SIDT1: variants seen among roughly 807,000 people sequenced by gnomAD.
SIDT1 encodes the protein SID1 transmembrane family, member 1.
Under a neutral mutation model 107.5 loss-of-function variants are expected in SIDT1, and 101 were observed. The observed-to-expected ratio is 0.94, with a 90% CI of 0.80 to 1.11. The LOEUF (loss-of-function observed/expected upper bound fraction) is 1.11, where lower values mean the gene tolerates loss of function less well. SIDT1 is among the 50% of genes least tolerant of loss of function. The pLI is 0.00. For synonymous variants in SIDT1, 395 were observed against 398.2 expected, an observed-to-expected ratio of 0.99 and a Z score of 0.10; for missense variants, 1,076 against 1,058.2, an observed-to-expected ratio of 1.02 and a Z score of -0.23.
At chr3:113,591,157 A>G (rs1048093030) in intron 9 of SIDT1, among the ~76,000 whole-genome samples, 3 of 152,220 alleles carry the variant, frequency 2.0e-5, no homozygotes, top group Non-Finnish European at 4.4e-5. Context: ...GGCTGCCTCT[A>G]GAAGCTTCAA....
chr3:113,623,826 T>C (rs1946653143), intron 23 of SIDT1, 93 bp downstream of exon 23: 5 of 814,090 alleles, frequency 6.1e-6, no homozygotes, highest in Non-Finnish European at 1.0e-5. Flanking sequence ...GTTTTCACAG[T>C]GTCTAAAATG....
intron 3 of SIDT1, among the ~76,000 whole-genome samples, chr3:113,568,201 T>C (rs78493646): frequency 0.027 from 4,112 of 151,952 alleles, 93 homozygotes; most frequent in East Asian, 0.091. Context: ...AAAACTAAAA[T>C]AAACAGGCAA....
chr3:113,630,964 T>C (rs1947089069), downstream of SIDT1, among the ~76,000 whole-genome samples: 1 of 152,144 alleles, frequency 6.6e-6, no homozygotes, highest in African/African-American at 2.4e-5. Context: ...TTGGGAGGCC[T>C]CTTCATCTTC....
At chr3:113,545,789 T>G (rs1939520221) in intron 1 of SIDT1, among the ~76,000 whole-genome samples, 1 of 152,202 alleles carries the variant, frequency 6.6e-6, no homozygotes, top group African/African-American at 2.4e-5. Context: ...ACAAATTATA[T>G]CAGTGATACC....
At chr3:113,602,937 TGCAGAGACGAA>T in intron 11 of SIDT1, 57 bp from the exon 12 acceptor site, 1 of 1,556,630 alleles carries the variant, frequency 6.4e-7, no homozygotes, top group Admixed American at 1.8e-5. Context: ...CTGTGCTTTT[TGCAGAGACGAA>T]TGGGCTCCGT....
intron 3 of SIDT1, among the ~76,000 whole-genome samples, chr3:113,574,255 A>C (rs1942718001): frequency 1.3e-5 from 2 of 152,234 alleles, no homozygotes; most frequent in South Asian, 4.1e-4. Context: ...GTTTATACTT[A>C]GACCAGAGGA....
chr3:113,589,156 T>G (rs1478554755), intron 9 of SIDT1, among the ~76,000 whole-genome samples: 1 of 152,228 alleles, frequency 6.6e-6, no homozygotes, highest in African/African-American at 2.4e-5. Context: ...GAGGGTAGTC[T>G]AGATTCAGGA....
intron 24 of SIDT1, among the ~76,000 whole-genome samples, chr3:113,626,823 C>T (rs1462863153): frequency 6.6e-6 from 1 of 152,042 alleles, no homozygotes; most frequent in African/African-American, 2.4e-5. Flanking sequence ...ATTAAAAGTC[C>T]ATGGTGCCTG....
At chr3:113,542,156 C>T (rs1938982690) in intron 1 of SIDT1, among the ~76,000 whole-genome samples, 1 of 152,128 alleles carries the variant, frequency 6.6e-6, no homozygotes, top group African/African-American at 2.4e-5. Context: ...CTCCTGACCT[C>T]AGGAGATCCA....
Position 113,627,811 on chromosome 3 carries a change from C to T in SIDT1, c.*103C>T. 1.9e-6 allele frequency: 2 copies of T among 1,061,712 alleles called. No individual in the cohort carries two copies. The highest frequency in any genetic ancestry group is 2.9e-6 in the Non-Finnish European group (2 of 692,450). 65.8% of individuals were successfully genotyped at this position (1,061,712 alleles called of 1,614,324 possible). On this transcript the variant is annotated 3_prime_UTR_variant, in exon 25 of 25. Transcript: ENST00000264852. ...TAACCACTGCCAGATGCTCCACTCA[C>T]CCTCTGTAGAGCCAACTCTGCATTC...
intron 1 of SIDT1, among the ~76,000 whole-genome samples, chr3:113,553,352 A>C (rs1453532966): frequency 6.6e-6 from 1 of 152,120 alleles, no homozygotes. Flanking sequence ...TTATATCACA[A>C]AAATAAAAGG....
At chr3:113,550,443 G>A (rs142838903) in intron 1 of SIDT1, among the ~76,000 whole-genome samples, 15 of 152,302 alleles carry the variant, frequency 9.8e-5, no homozygotes, top group African/African-American at 1.9e-4. Context: ...TCCAGTGGTG[G>A]AAATCTGTCT....
chr3:113,542,935 TG>T lies in SIDT1; in HGVS notation c.222+9693del, dbSNP rs1409100219. Among the ~76,000 whole-genome samples the T allele has an allele frequency of 6.6e-3, 983 of 149,950 alleles. 4 individuals carry two copies. Among genetic ancestry groups the T allele is most frequent in the African/African-American group, 0.022 (902 of 40,390 alleles). On this transcript the variant is annotated intron_variant, in intron 1 of 24. Coordinates refer to ENST00000264852, the MANE Select transcript of SIDT1 (RefSeq NM_017699.3). ...GTGTGTGTGTGTGTGTGTGTGTGTG[TG>T]TGTTTGTTTGTTTGTTTGTTTTTCA...
chr3:113,542,928 GTGTGTGTGTGTT>G (rs1309610803), intron 1 of SIDT1, among the ~76,000 whole-genome samples: 6 of 142,946 alleles, frequency 4.2e-5, no homozygotes, highest in African/African-American at 1.1e-4. Context: ...GTGTGTGTGT[GTGTGTGTGTGTT>G]TGTTTGTTTG....
intron 8 of SIDT1, 78 bp from the exon 9 acceptor site, chr3:113,585,099 C>T: frequency 9.7e-7 from 1 of 1,029,400 alleles, no homozygotes; most frequent in Non-Finnish European, 1.5e-6. Context: ...GGAGGGGGCC[C>T]TTTAAGCCGT....
chr3:113,611,094 T>G lies in SIDT1; in HGVS notation c.1807T>G (p.Ser603Ala). Residue 603 changes from serine (S) to alanine (A), a missense_variant, in exon 18 of 25, where the codon TCT becomes GCT. Ser to Ala is a moderately conservative substitution (Grantham distance 99). Coordinates refer to ENST00000264852, the MANE Select transcript of SIDT1 (RefSeq NM_017699.3). ...RHPDINASAY[S>A]AYASFAVVIM... ...CCCAGACATCAATGCCAGCGCCTAC[T>G]CTGCCTATGCCTCCTTTGCTGTGGT... 1 of 1,614,122 alleles carries G rather than the reference T, an allele frequency of 6.2e-7. No individual in the cohort carries two copies. Among genetic ancestry groups the G allele is most frequent in the Non-Finnish European group, 8.5e-7 (1 of 1,180,012 alleles).
intron 1 of SIDT1, among the ~76,000 whole-genome samples, chr3:113,565,532 GA>G (rs959906303): frequency 4.0e-5 from 6 of 148,730 alleles, no homozygotes; most frequent in South Asian, 4.2e-4. Flanking sequence ...TCTCAAGAAA[GA>G]AAAAAAAAGA....
chr3:113,584,011 A>G (rs903704137), intron 7 of SIDT1, among the ~76,000 whole-genome samples: 2 of 152,198 alleles, frequency 1.3e-5, no homozygotes, highest in East Asian at 3.9e-4. Context: ...ATAAGGGGTT[A>G]TGGGGGCTCT....
At chr3:113,589,483 C>T (rs1246875333) in intron 9 of SIDT1, among the ~76,000 whole-genome samples, 2 of 151,400 alleles carry the variant, frequency 1.3e-5, no homozygotes, top group African/African-American at 2.4e-5. Context: ...TCACCACAGC[C>T]TCTTTTGCCA....
Sources: gnomAD v4.1 joint callset for allele counts (sites outside exome capture counted in the v4.1 genomes callset) on GRCh38, gnomAD v4.1.1 for gene constraint, MANE v1.5 for transcripts, NCBI Gene and HGNC (gene_info 2026-07-23, HGNC 2026-07-21) for gene names.